ANKRD17: variants seen among roughly 807,000 people sequenced by gnomAD.
ANKRD17 encodes the protein ankyrin repeat domain 17.
Under a neutral mutation model 229.7 loss-of-function variants are expected in ANKRD17, and 19 were observed. The observed-to-expected ratio is 0.08, with a 90% CI of 0.06 to 0.12. ANKRD17 has a LOEUF of 0.12. ANKRD17 is among the 10% of genes least tolerant of loss of function. The pLI is 1.00. For missense variants in ANKRD17, 2,176 were observed against 3,176.8 expected (o/e 0.68, Z 7.57); for synonymous variants, 1,112 against 1,146.1 (o/e 0.97, Z 0.60).
chr4:73,086,984 A>AAGAGTTGT (rs1326819151), intron 29 of ANKRD17, among the ~76,000 whole-genome samples: 1 of 129,080 alleles, frequency 7.7e-6, no homozygotes, highest in Non-Finnish European at 1.6e-5. Flanking sequence ...TTAAGGACCA[A>AAGAGTTGT]AGAGTTGTAT....
At position 73,258,580 on chromosome 4, in the gene ANKRD17, G is replaced by T. The variant is rs1235427699; in HGVS notation, c.89C>A (p.Pro30His). ...GCCGCCGCCGACCTCCGCCGCCGCG[G>T]GGGGGCCCGCCACAGCCGCCACCGC... ...PPAVAAVAGPPAAAEVGGGVG... is the reference protein window; with the variant it reads ...PPAVAAVAGPHAAAEVGGGVG... Residue 30 changes from proline (P) to histidine (H), a missense_variant, in exon 1 of 34, where the codon CCC becomes CAC. Coordinates refer to ENST00000358602, the MANE Select transcript of ANKRD17 (RefSeq NM_032217.5). 4 of 1,467,132 alleles carry T rather than the reference G, an allele frequency of 2.7e-6. 1 individual carries two copies. The highest frequency in any genetic ancestry group is 3.6e-6 in the Non-Finnish European group (4 of 1,121,180). The allele number at this position is 1,467,132 out of a possible 1,614,324, so 90.9% of individuals were successfully genotyped here.
chr4:73,087,043 G>A (rs1277357711), intron 29 of ANKRD17, among the ~76,000 whole-genome samples: 1 of 142,602 alleles, frequency 7.0e-6, no homozygotes, highest in East Asian at 2.1e-4. Context: ...ACAATGAAGA[G>A]ATCTGATAAT....
chr4:73,162,850 G>GTTTTGT (rs780932728), intron 2 of ANKRD17, among the ~76,000 whole-genome samples: 16 of 151,634 alleles, frequency 1.1e-4, no homozygotes, highest in African/African-American at 2.9e-4. Flanking sequence ...GTGCTTTTTT[G>GTTTTGT]TTTTGTTTTT....
intron 2 of ANKRD17, among the ~76,000 whole-genome samples, chr4:73,173,494 T>C (rs957464095): frequency 6.6e-6 from 1 of 152,158 alleles, no homozygotes; most frequent in Non-Finnish European, 1.5e-5. Flanking sequence ...CAGAATAGCA[T>C]GTGGAGACTC....
chr4:73,157,674 A>C (rs1473392624), intron 3 of ANKRD17, among the ~76,000 whole-genome samples: 1 of 152,212 alleles, frequency 6.6e-6, no homozygotes, highest in African/African-American at 2.4e-5. Context: ...GCCAGATTTA[A>C]GACCAACATC....
intron 23 of ANKRD17, among the ~76,000 whole-genome samples, chr4:73,115,201 A>T (rs1445840926): frequency 6.6e-6 from 1 of 152,216 alleles, no homozygotes; most frequent in Non-Finnish European, 1.5e-5. Flanking sequence ...AAACACACAT[A>T]TACAGAGGAC....
rs145883066 is a variant in ANKRD17, at chr4:73,097,251, T to C, written c.5043A>G (p.Glu1681=). 122 of 1,584,970 alleles carry C rather than the reference T, an allele frequency of 7.7e-5. 1 individual carries two copies. The African/African-American group carries it at 1.5e-3, about 19-fold the overall frequency. The change falls in exon 27 of 34, where the codon GAA becomes GAG. Residue 1681 remains glutamate (E), a synonymous_variant. Coordinates refer to ENST00000358602, the MANE Select transcript of ANKRD17 (RefSeq NM_032217.5). ...ASIKLSETIS[E]GTSNSLSTCT... is the part of the protein sequence containing the mutation. Reference sequence around the variant, plus strand: ...AAGTAGATAGAGAATTACTGGTCCCTTCACTGATAGTTTCTGACAATCTTT... The same window carrying C: ...AAGTAGATAGAGAATTACTGGTCCCCTCACTGATAGTTTCTGACAATCTTT...
At chr4:73,229,242 C>T (rs186724807) in intron 1 of ANKRD17, among the ~76,000 whole-genome samples, 6 of 152,198 alleles carry the variant, frequency 3.9e-5, no homozygotes, top group Admixed American at 2.0e-4. Context: ...TGTAACAAAC[C>T]TGCACGTTGT....
chr4:73,113,105 A>T, intron 24 of ANKRD17: 1 of 1,189,826 alleles, frequency 8.4e-7, no homozygotes, highest in South Asian at 1.6e-5. Context: ...TTTTTATAAA[A>T]GATGAGATAT....
intron 25 of ANKRD17, chr4:73,099,262 G>T (rs769085134): frequency 3.9e-6 from 2 of 517,824 alleles, no homozygotes; most frequent in African/African-American, 4.0e-5. Flanking sequence ...CACTGCCTCC[G>T]GCTGCCACCC....
intron 24 of ANKRD17, chr4:73,103,882 G>C (rs898487029): frequency 6.7e-6 from 1 of 148,538 alleles, no homozygotes; most frequent in Non-Finnish European, 1.5e-5. Flanking sequence ...ACCAACTTTA[G>C]TGACACTAAC....
rs1179190058 is a variant in ANKRD17, at chr4:73,091,808, C to T, written c.5820G>A (p.Ser1940=). ...RPLSPARATN[S]PKPHMVPRHS... ...GGCGAGGCACCATGTGAGGCTTAGG[C>T]GAGTTAGTAGCTCTGGCAGGGCTCA... Residue 1940 remains serine, a synonymous_variant, in exon 29 of 34, where the codon TCG becomes TCA. Transcript: ENST00000358602. 9.9e-6 allele frequency: 16 copies of T among 1,613,972 alleles called. No homozygotes were observed. The highest frequency in any genetic ancestry group is 2.2e-5 in the East Asian group (1 of 44,886).
At chr4:73,081,429 A>T (rs1721551239) in intron 30 of ANKRD17, among the ~76,000 whole-genome samples, 1 of 152,214 alleles carries the variant, frequency 6.6e-6, no homozygotes. Flanking sequence ...GCATAGCCTT[A>T]TATAAACATC....
At chr4:73,125,439 A>G in intron 16 of ANKRD17, 127 bp from the exon 17 acceptor site, 1 of 762,428 alleles carries the variant, frequency 1.3e-6, no homozygotes, top group Non-Finnish European at 2.1e-6. Context: ...AAGCATTTGA[A>G]AAGCAAGGTT....
At chr4:73,129,163 T>A (rs1469563851) in intron 16 of ANKRD17, among the ~76,000 whole-genome samples, 1 of 152,198 alleles carries the variant, frequency 6.6e-6, no homozygotes, top group East Asian at 1.9e-4. Flanking sequence ...TAAAGAAAAT[T>A]TCAGTTAGCC....
intron 29 of ANKRD17, among the ~76,000 whole-genome samples, chr4:73,086,919 AATATATAT>A (rs61024099): frequency 0.021 from 259 of 12,446 alleles, 30 homozygotes; most frequent in African/African-American, 0.062. Context: ...AAAAAAAAAA[AATATATAT>A]ATATATATAT....
chr4:73,156,437 G>T (rs1731668857), intron 3 of ANKRD17, among the ~76,000 whole-genome samples: 1 of 152,082 alleles, frequency 6.6e-6, no homozygotes, highest in Non-Finnish European at 1.5e-5. Context: ...GTCAAATCTT[G>T]ACAGTTAATA....
intron 15 of ANKRD17, 125 bp downstream of exon 15, chr4:73,139,406 T>C (rs547767914): frequency 9.8e-5 from 111 of 1,126,938 alleles, no homozygotes; most frequent in Admixed American, 4.7e-4. Flanking sequence ...CTAATACTTC[T>C]AAAGCTAGAC....
intron 31 of ANKRD17, 142 bp downstream of exon 31, chr4:73,078,500 T>C (rs867232001): frequency 1.0e-6 from 1 of 986,304 alleles, no homozygotes; most frequent in Non-Finnish European, 1.4e-6. Context: ...ATCACCCCAT[T>C]GCACTCCAGC....
Sources: gnomAD v4.1 joint callset for allele counts (sites outside exome capture counted in the v4.1 genomes callset) on GRCh38, gnomAD v4.1.1 for gene constraint, MANE v1.5 for transcripts, NCBI Gene and HGNC (gene_info 2026-07-23, HGNC 2026-07-21) for gene names.